CCDC158: variants seen among roughly 807,000 people sequenced by gnomAD.
The protein encoded by CCDC158 is coiled-coil domain-containing protein 158.
CCDC158 carries 116 observed loss-of-function variants against 138.6 expected under a neutral mutation model. The ratio of observed to expected loss-of-function variants is 0.84; its 90% confidence interval spans 0.72 to 0.98. The LOEUF (loss-of-function observed/expected upper bound fraction) is 0.98, where lower values mean the gene tolerates loss of function less well. CCDC158 is among the 50% of genes least tolerant of loss of function. CCDC158 has a pLI of 0.00. For missense variants in CCDC158, 1,265 were observed against 1,306.1 expected (o/e 0.97, Z 0.48); for synonymous variants, 436 against 442.4 (o/e 0.99, Z 0.18).
At chr4:76,328,129 T>C (rs1291329693) in intron 22 of CCDC158, among the ~76,000 whole-genome samples, 2 of 152,268 alleles carry the variant, frequency 1.3e-5, no homozygotes, top group African/African-American at 4.8e-5. Flanking sequence ...GTGTTGACTT[T>C]CAATCTCTTC....
intron 9 of CCDC158, among the ~76,000 whole-genome samples, chr4:76,376,763 T>TG (rs1725755651): frequency 6.6e-6 from 1 of 152,210 alleles, no homozygotes; most frequent in Non-Finnish European, 1.5e-5. Flanking sequence ...AGGGAGTTAC[T>TG]GTTAAGACAG....
chr4:76,375,582 A>C, intron 9 of CCDC158: 1 of 702,984 alleles, frequency 1.4e-6, no homozygotes, highest in Non-Finnish European at 2.6e-6. Flanking sequence ...TAAATGCTGA[A>C]TCAACATCAG....
chr4:76,364,856 G>C (rs1005479700), intron 12 of CCDC158, among the ~76,000 whole-genome samples: 2 of 152,208 alleles, frequency 1.3e-5, no homozygotes, highest in Admixed American at 6.5e-5. Flanking sequence ...GCTTTTGGCT[G>C]TTCAAAAAGG....
chr4:76,353,229 G>C lies in CCDC158; in HGVS notation c.2339C>G (p.Thr780Ser), dbSNP rs781102118. Reference protein sequence around the residue: ...EKSKLSQELSTVATEKNKMAG... With the variant: ...EKSKLSQELSSVATEKNKMAG... Reference sequence around the variant, plus strand: ...CATCTTGTTTTTTTCTGTGGCAACAGTACTCAATTCCTGACTGAGTTTACT... The same window carrying C: ...CATCTTGTTTTTTTCTGTGGCAACACTACTCAATTCCTGACTGAGTTTACT... The change falls in exon 16 of 25, where the codon ACT (threonine) becomes AGT (serine). Residue 780 changes from threonine to serine, a missense_variant. By Grantham distance (58) the Thr-to-Ser change is moderately conservative (BLOSUM62 1). Coordinates refer to ENST00000682701, the MANE Select transcript of CCDC158 (RefSeq NM_001394954.1). 6.2e-7 allele frequency: 1 copy of C among 1,613,224 alleles called. No homozygotes were observed. The highest frequency in any genetic ancestry group is 1.7e-5 in the Admixed American group (1 of 59,900).
At chr4:76,421,181 C>A (rs937368362), upstream of CCDC158, among the ~76,000 whole-genome samples, 4 of 152,000 alleles carry the variant, frequency 2.6e-5, no homozygotes, top group Non-Finnish European at 4.4e-5. Flanking sequence ...GCGCTCGGGG[C>A]GCTGCCCAGT....
intron 1 of CCDC158, chr4:76,414,514 T>C (rs916622839): frequency 2.6e-5 from 4 of 152,080 alleles, no homozygotes; most frequent in African/African-American, 9.7e-5. Context: ...AGAACAGTGG[T>C]ATAAAGAGAG....
Position 76,369,408 on chromosome 4 carries a change from G to A in CCDC158, c.1347+18C>T, listed in dbSNP as rs72657825. 630,137 of 1,609,570 alleles carry A rather than the reference G, an allele frequency of 0.39. 133,968 individuals are homozygous for A. The highest frequency in any genetic ancestry group is 0.44 in the Non-Finnish European group (520,192 of 1,177,220). On this transcript the variant is annotated intron_variant, in intron 11 of 24. Coordinates refer to ENST00000682701, the MANE Select transcript of CCDC158 (RefSeq NM_001394954.1). ...GAGGAGATTGTTTGGCGATGGCACA[G>A]CCTGTGCAGGCACTGACCTGCCGCT...
At chr4:76,400,408 G>A (rs369425131) in intron 3 of CCDC158, among the ~76,000 whole-genome samples, 2 of 132,562 alleles carry the variant, frequency 1.5e-5, no homozygotes, top group South Asian at 2.9e-4. Flanking sequence ...CTGTTGTGGG[G>A]TGGGGGGAGG....
intron 6 of CCDC158, 63 bp downstream of exon 6, chr4:76,384,025 C>G: frequency 3.4e-6 from 4 of 1,163,612 alleles, no homozygotes; most frequent in Non-Finnish European, 3.6e-6. Flanking sequence ...AATTATACAT[C>G]TAATGCTATT....
chr4:76,418,153 G>A (rs533151241), intron 1 of CCDC158, among the ~76,000 whole-genome samples: 1 of 152,302 alleles, frequency 6.6e-6, no homozygotes, highest in South Asian at 2.1e-4. Flanking sequence ...CGGCTGAGTA[G>A]AGAATACACT....
chr4:76,337,028 T>C (rs1187329134), intron 18 of CCDC158, among the ~76,000 whole-genome samples: 1 of 152,216 alleles, frequency 6.6e-6, no homozygotes, highest in Non-Finnish European at 1.5e-5. Context: ...TCACCCAAAC[T>C]GGAGTGCAGT....
chr4:76,329,700 C>A (rs1038739587), intron 21 of CCDC158, among the ~76,000 whole-genome samples: 1 of 152,166 alleles, frequency 6.6e-6, no homozygotes, highest in African/African-American at 2.4e-5. Flanking sequence ...GAGTTGGGTA[C>A]CAATATGAGA....
chr4:76,327,232 T>A (rs2110090220), intron 22 of CCDC158, among the ~76,000 whole-genome samples: 1 of 152,298 alleles, frequency 6.6e-6, no homozygotes, highest in African/African-American at 2.4e-5. Flanking sequence ...ACATAAATGT[T>A]CTTTTCTTCA....
At chr4:76,407,546 T>C (rs995373002) in intron 2 of CCDC158, among the ~76,000 whole-genome samples, 1 of 152,162 alleles carries the variant, frequency 6.6e-6, no homozygotes, top group Admixed American at 6.5e-5. Context: ...ATTGTGAATG[T>C]TTGTTGTATA....
chr4:76,399,909 T>A (rs1165690743), intron 3 of CCDC158, among the ~76,000 whole-genome samples: 1 of 152,022 alleles, frequency 6.6e-6, no homozygotes, highest in Non-Finnish European at 1.5e-5. Flanking sequence ...GGTAGTGAAT[T>A]AAGAAGCTGA....
intron 4 of CCDC158, among the ~76,000 whole-genome samples, chr4:76,394,056 T>C (rs938561489): frequency 6.6e-6 from 1 of 152,106 alleles, no homozygotes; most frequent in Non-Finnish European, 1.5e-5. Context: ...ACAGCCACTA[T>C]AAAGAACAGT....
chr4:76,344,547 T>G, intron 18 of CCDC158: 1 of 995,968 alleles, frequency 1.0e-6, no homozygotes, highest in Non-Finnish European at 1.6e-6. Context: ...AGCTGATGAA[T>G]AGCTGACATC....
In CCDC158 at chr4:76,371,537, C is replaced by A; in HGVS notation, c.1030-1G>T. 1 of 1,614,034 alleles carries A rather than the reference C, an allele frequency of 6.2e-7. No homozygotes were observed. Among genetic ancestry groups the A allele is most frequent in the Non-Finnish European group, 8.5e-7 (1 of 1,179,978 alleles). ...CTAACTGCTTTTCCAGCTCTTCTGTCTGAAAGGAAAGTACAAATTGAACAG... is the reference window on the plus strand; with the variant it reads ...CTAACTGCTTTTCCAGCTCTTCTGTATGAAAGGAAAGTACAAATTGAACAG... On this transcript the variant is annotated splice_acceptor_variant, in intron 9 of 24. Coordinates refer to ENST00000682701, the MANE Select transcript of CCDC158 (RefSeq NM_001394954.1). LOFTEE classifies it high-confidence loss of function.
chr4:76,397,903 C>T (rs1452882990), intron 3 of CCDC158, among the ~76,000 whole-genome samples: 2 of 152,128 alleles, frequency 1.3e-5, no homozygotes, highest in Non-Finnish European at 2.9e-5. Context: ...ATAGTTGAAT[C>T]CAGGTCTGAG....
Sources: gnomAD v4.1 joint callset for allele counts (sites outside exome capture counted in the v4.1 genomes callset) on GRCh38, gnomAD v4.1.1 for gene constraint, MANE v1.5 for transcripts, NCBI Gene and HGNC (gene_info 2026-07-23, HGNC 2026-07-21) for gene names.